Variants in DUSP5 observed in about 807,000 individuals in gnomAD.
DUSP5 encodes the protein dual specificity phosphatase 5, also known as dual specificity protein phosphatase 5.
A neutral mutation model predicts 33.6 loss-of-function variants in DUSP5; 22 were observed. The observed-to-expected ratio is 0.66, with a 90% CI of 0.47 to 0.94. The LOEUF is 0.94. Among genes scored for constraint, DUSP5 ranks in the 40% least tolerant of loss-of-function variants. DUSP5 has a pLI of 0.00. For missense variants in DUSP5, 551 were observed against 522.1 expected (o/e 1.06, Z -0.54); for synonymous variants, 270 against 231.1 (o/e 1.17, Z -1.53).
intron 1 of DUSP5, among the ~76,000 whole-genome samples, chr10:110,499,395 C>T (rs1389655182): frequency 1.3e-5 from 2 of 152,180 alleles, no homozygotes; most frequent in Non-Finnish European, 2.9e-5. Flanking sequence ...GTGTTTGAGT[C>T]CTTTGTAACC....
chr10:110,499,748 C>T (rs1207948394), intron 1 of DUSP5, among the ~76,000 whole-genome samples: 1 of 152,210 alleles, frequency 6.6e-6, no homozygotes, highest in African/African-American at 2.4e-5. Flanking sequence ...AGAGGGTTGG[C>T]CCTCTGGCTC....
In DUSP5 at chr10:110,498,147, G is replaced by T. The variant is rs1228681470; in HGVS notation, c.26G>T (p.Arg9Leu). ...ATGAAGGTCACGTCGCTCGACGGGC[G>T]CCAGCTGCGCAAGATGCTCCGCAAG... Reference protein sequence around the residue: MKVTSLDGRQLRKMLRKEA... With the variant: MKVTSLDGLQLRKMLRKEA... Residue 9 changes from arginine to leucine, a missense_variant, in exon 1 of 4, where the codon CGC (arginine) becomes CTC (leucine). Arg to Leu is a moderately radical substitution (Grantham distance 102). Transcript: ENST00000369583. 4 of 1,458,716 alleles carry T rather than the reference G, an allele frequency of 2.7e-6. No individual in the cohort carries two copies. The highest frequency in any genetic ancestry group is 1.5e-5 in the African/African-American group (1 of 67,810). 90.4% of individuals were successfully genotyped at this position (1,458,716 alleles called of 1,614,324 possible).
Position 110,510,276 on chromosome 10 carries a change from C to G in DUSP5, c.1005C>G (p.Gly335=). 6.2e-7 allele frequency: 1 copy of G among 1,614,168 alleles called. No homozygotes were observed. The highest frequency in any genetic ancestry group is 8.5e-7 in the Non-Finnish European group (1 of 1,180,040). Residue 335 remains glycine, a synonymous_variant, in exon 4 of 4, where the codon GGC becomes GGG. Coordinates refer to ENST00000369583, the MANE Select transcript of DUSP5 (RefSeq NM_004419.4). ...CCTCCTGCCAAGGGGAGGCAGCAGG[C>G]TCTTCACTGATAGGCCATTTGCAGA... ...QPPSCQGEAA[G]SSLIGHLQTL... is the part of the protein sequence containing the mutation.
Position 110,510,199 on chromosome 10 carries a change from C to G in DUSP5, c.928C>G (p.Leu310Val). 1 of 1,614,240 alleles carries G rather than the reference C, an allele frequency of 6.2e-7. No homozygotes were observed. Among genetic ancestry groups the G allele is most frequent in the Non-Finnish European group, 8.5e-7 (1 of 1,180,036 alleles). The stretch of plus-strand genomic sequence containing the variant: ...GCCCAACTTTGGCTTCATGGGCCAG[C>G]TCCTGCAGTACGAATCTGAGATCCT... ...VSPNFGFMGQLLQYESEILPS... is the reference protein window; with the variant it reads ...VSPNFGFMGQVLQYESEILPS... Residue 310 changes from leucine (L) to valine (V), a missense_variant, in exon 4 of 4, where the codon CTC (leucine) becomes GTC (valine). Around this residue, in one of 3 missense-constraint regions of DUSP5, gnomAD observed 158 missense variants for 181.8 expected, o/e 0.87. Coordinates refer to ENST00000369583, the MANE Select transcript of DUSP5 (RefSeq NM_004419.4).
intron 2 of DUSP5, 51 bp downstream of exon 2, chr10:110,502,920 G>T: frequency 6.2e-7 from 1 of 1,606,896 alleles, no homozygotes; most frequent in African/African-American, 1.3e-5. Flanking sequence ...CTGGGCTCCT[G>T]TCTCCCTTCC....
rs1233256426 is a variant in DUSP5, at chr10:110,497,978, C to G, written c.-144C>G. Reference sequence around the variant, plus strand: ...GCGGGAACGCGGAGTTGCGCCGCCGCTCGGGCGCCGGGCTCCGTCGCGGCC... The same window carrying G: ...GCGGGAACGCGGAGTTGCGCCGCCGGTCGGGCGCCGGGCTCCGTCGCGGCC... On this transcript the variant is annotated 5_prime_UTR_variant, in exon 1 of 4. Coordinates refer to ENST00000369583, the MANE Select transcript of DUSP5 (RefSeq NM_004419.4). The G allele has an allele frequency of 6.2e-6, 4 of 642,056 alleles. No homozygotes were observed. The highest frequency in any genetic ancestry group is 4.0e-5 in the African/African-American group (2 of 50,326). The allele number at this position is 642,056 out of a possible 1,614,324, so 39.8% of individuals were successfully genotyped here. A position where few individuals can be genotyped will look rare whatever the true frequency, so the allele number is the denominator to read the frequency against.
At chr10:110,502,917 C>T (rs749709358) in intron 2 of DUSP5, 48 bp downstream of exon 2, 19 of 1,607,656 alleles carry the variant, frequency 1.2e-5, no homozygotes, top group Middle Eastern at 3.3e-4. Context: ...ATTCTGGGCT[C>T]CTGTCTCCCT....
At chr10:110,509,647 C>T (rs1417254938) in intron 3 of DUSP5, among the ~76,000 whole-genome samples, 1 of 152,242 alleles carries the variant, frequency 6.6e-6, no homozygotes, top group African/African-American at 2.4e-5. Context: ...TTCCAATGCC[C>T]TCTTGGAACC....
intron 2 of DUSP5, among the ~76,000 whole-genome samples, chr10:110,506,429 C>T (rs927864872): frequency 6.6e-6 from 1 of 151,776 alleles, no homozygotes; most frequent in African/African-American, 2.4e-5. Context: ...AAGACTCTGT[C>T]TTTCCAAAAA....
chr10:110,498,976 C>T (rs570404286), intron 1 of DUSP5, among the ~76,000 whole-genome samples: 1 of 152,302 alleles, frequency 6.6e-6, no homozygotes, highest in East Asian at 1.9e-4. Flanking sequence ...CACCGACCCC[C>T]TTGCCTTTTT....
intron 2 of DUSP5, among the ~76,000 whole-genome samples, chr10:110,503,824 G>A (rs144501811): frequency 2.2e-4 from 33 of 152,314 alleles, no homozygotes; most frequent in African/African-American, 7.7e-4. Flanking sequence ...CTGACCTGGT[G>A]GGAGTAACCT....
Position 110,498,029 on chromosome 10 carries a change from G to C in DUSP5, c.-93G>C, listed in dbSNP as rs1859977310. The C allele has an allele frequency of 8.9e-6, 9 of 1,005,732 alleles. No homozygotes were observed. Among genetic ancestry groups the C allele is most frequent in the Non-Finnish European group, 1.1e-5 (9 of 840,078 alleles). The allele number at this position is 1,005,732 out of a possible 1,614,324, so 62.3% of individuals were successfully genotyped here. A position where few individuals can be genotyped will look rare whatever the true frequency, so the allele number is the denominator to read the frequency against. ...GCAGCCCCGCGGGTCGCCCTCCCGT[G>C]CCTCGCCCGCGGACACCCTGGCCGT... On this transcript the variant is annotated 5_prime_UTR_variant, in exon 1 of 4. Coordinates refer to ENST00000369583, the MANE Select transcript of DUSP5 (RefSeq NM_004419.4).
rs1301766020 is a variant in DUSP5, at chr10:110,510,447, C to A, written c.*21C>A. ...GCTAAAACTGGGATGGAGGAATCGG[C>A]CCAGCCCCAAGAGCAACTGTGATTT... On this transcript the variant is annotated 3_prime_UTR_variant, in exon 4 of 4. Transcript: ENST00000369583. The A allele has an allele frequency of 2.6e-6, 4 of 1,541,576 alleles. No individual in the cohort carries two copies. The highest frequency in any genetic ancestry group is 2.4e-5 in the South Asian group (2 of 82,496).
Position 110,510,391 on chromosome 10 carries a change from A to G in DUSP5, c.1120A>G (p.Ser374Gly). Residue 374 changes from serine (S) to glycine (G), a missense_variant, in exon 4 of 4, where the codon AGC becomes GGC. Physicochemically the swap from Ser to Gly is moderately conservative, Grantham distance 56. This residue lies in a region of DUSP5 where 158 missense variants were observed against 181.8 expected (regional missense o/e 0.87). Transcript: ENST00000369583. ...VPTHSTVSEL[S>G]RSPVATATSC The stretch of plus-strand genomic sequence containing the variant: ...TACCCACTCAACAGTCTCAGAGCTC[A>G]GCAGAAGCCCTGTGGCAACGGCCAC... 1 of 1,607,896 alleles carries G rather than the reference A, an allele frequency of 6.2e-7. No homozygotes were observed. The highest frequency in any genetic ancestry group is 8.5e-7 in the Non-Finnish European group (1 of 1,176,344).
In DUSP5 at chr10:110,507,067, A is replaced by G. The variant is rs1232091592; in HGVS notation, c.661A>G (p.Thr221Ala). 2 of 1,611,154 alleles carry G rather than the reference A, an allele frequency of 1.2e-6. No individual in the cohort carries two copies. Among genetic ancestry groups the G allele is most frequent in the East Asian group, 4.5e-5 (2 of 44,798 alleles). ...VSRRTSEACA[T>A]HLHYKWIPVE... ...CCGACGGACCTCCGAGGCCTGCGCG[A>G]CCCACCTACACTACAAATGGATCCC... Residue 221 changes from threonine to alanine, a missense_variant, in exon 3 of 4, where the codon ACC becomes GCC. By Grantham distance (58) the Thr-to-Ala change is moderately conservative. Around this residue, in one of 3 missense-constraint regions of DUSP5, gnomAD observed 12 missense variants for 29.9 expected, o/e 0.40. Coordinates refer to ENST00000369583, the MANE Select transcript of DUSP5 (RefSeq NM_004419.4).
intron 3 of DUSP5, among the ~76,000 whole-genome samples, chr10:110,508,897 C>G (rs975552446): frequency 1.3e-5 from 2 of 152,212 alleles, no homozygotes; most frequent in African/African-American, 4.8e-5. Flanking sequence ...GGATTCCTCC[C>G]TGATGCCTCA....
In DUSP5 at chr10:110,498,105, C is replaced by A; in HGVS notation, c.-17C>A. On this transcript the variant is annotated 5_prime_UTR_variant, in exon 1 of 4. Coordinates refer to ENST00000369583, the MANE Select transcript of DUSP5 (RefSeq NM_004419.4). ...GGGGCGCGCGGCGCGGGGCCGCTGGCCGGCGGCGGCGGCGGCATGAAGGTC... is the reference window on the plus strand; with the variant it reads ...GGGGCGCGCGGCGCGGGGCCGCTGGACGGCGGCGGCGGCGGCATGAAGGTC... The A allele has an allele frequency of 1.5e-6, 2 of 1,292,150 alleles. No homozygotes were observed. Among genetic ancestry groups the A allele is most frequent in the Admixed American group, 3.7e-5 (1 of 26,770 alleles). 80.0% of individuals were successfully genotyped at this position (1,292,150 alleles called of 1,614,324 possible).
At chr10:110,502,656 G>C in intron 1 of DUSP5, 65 bp from the exon 2 acceptor site, 1 of 1,565,500 alleles carries the variant, frequency 6.4e-7, no homozygotes, top group Non-Finnish European at 8.7e-7. Context: ...TTAACTATGG[G>C]TATTTTTGAC....
Position 110,502,833 on chromosome 10 carries a change from A to G in DUSP5, c.492A>G (p.Pro164=), listed in dbSNP as rs765030391. The stretch of plus-strand genomic sequence containing the variant: ...CCCTCATCAGCCAGTGTGGAAAACC[A>G]GTGGTAAATGTCAGCTACAGGCCAG... ...ERALISQCGK[P]VVNVSYRPAY... is the part of the protein sequence containing the mutation. The change falls in exon 2 of 4, where the codon CCA becomes CCG. Residue 164 remains proline (P), a synonymous_variant. Transcript: ENST00000369583. 1.6e-5 allele frequency: 26 copies of G among 1,614,188 alleles called. No individual in the cohort carries two copies. The highest frequency in any genetic ancestry group is 2.1e-5 in the Non-Finnish European group (25 of 1,180,034).
Sources: allele counts gnomAD v4.1 joint callset (sites outside exome capture counted in the v4.1 genomes callset), GRCh38; gene constraint gnomAD v4.1.1; regional missense constraint gnomAD v4.1.1; transcripts MANE v1.5; gene names NCBI Gene and HGNC (gene_info 2026-07-23, HGNC 2026-07-21).